The following PLEKHA4 variants were observed in gnomAD, a reference collection of about 807,000 sequenced individuals.
PLEKHA4 encodes pleckstrin homology domain containing A4.
Under a neutral mutation model 94.7 loss-of-function variants are expected in PLEKHA4, and 73 were observed. The ratio of observed to expected loss-of-function variants is 0.77; its 90% CI spans 0.64 to 0.94. PLEKHA4 has a LOEUF of 0.94. Among genes scored for constraint, PLEKHA4 ranks in the 40% least tolerant of loss-of-function variants. The pLI is 0.00. For synonymous variants in PLEKHA4, 449 were observed against 437.1 expected (o/e 1.03, Z -0.34); for missense variants, 1,049 against 1,054.1 (o/e 1.00, Z 0.07).
chr19:48,847,593 T>A (rs1231103769), intron 14 of PLEKHA4, among the ~76,000 whole-genome samples: 3 of 152,012 alleles, frequency 2.0e-5, no homozygotes, highest in Non-Finnish European at 4.4e-5. Flanking sequence ...TTAGCCAGGC[T>A]TGGTTGTGGG....
In PLEKHA4 at chr19:48,854,623, C is replaced by A. The variant is rs546377409; in HGVS notation, c.1048-359G>T. ...CCCAGGCTGATCTCAAACTCCTGGG[C>A]TCAAGCAATCCTCCTGCCTCGGCCT... On this transcript the variant is annotated intron_variant, in intron 9 of 19. Transcript: ENST00000263265. Among the ~76,000 whole-genome samples, 52 of 151,140 alleles carry A rather than the reference C, an allele frequency of 3.4e-4. No individual in the cohort carries two copies. The South Asian group carries it at 4.8e-3, about 14-fold the overall frequency.
Position 48,839,196 on chromosome 19 carries a change from G to T in PLEKHA4, c.1964+9C>A, listed in dbSNP as rs2122868389. 5.7e-6 allele frequency: 9 copies of T among 1,576,886 alleles called. No homozygotes were observed. In the South Asian group the frequency reaches 9.3e-5, roughly 16 times the overall value. On this transcript the variant is annotated intron_variant, in intron 18 of 19. Coordinates refer to ENST00000263265, the MANE Select transcript of PLEKHA4 (RefSeq NM_020904.3). Reference sequence around the variant, plus strand: ...TCCTGCTCCCTTGATACGCCCTCCAGTTCCTTACCTACTCCAGGACCCAGA... The same window carrying T: ...TCCTGCTCCCTTGATACGCCCTCCATTTCCTTACCTACTCCAGGACCCAGA...
rs754039806 is a variant in PLEKHA4, at chr19:48,854,047, C to A, written c.1136G>T (p.Arg379Leu). 2 of 1,614,024 alleles carry A rather than the reference C, an allele frequency of 1.2e-6. No individual in the cohort carries two copies. Among genetic ancestry groups the A allele is most frequent in the African/African-American group, 2.7e-5 (2 of 74,924 alleles). ...TKLCGQDRLL[R>L]RLQEEIDQKQ... The stretch of plus-strand genomic sequence containing the variant: ...CTGGTCTATCTCCTCCTGCAGCCTC[C>A]GCAGAAGCCGGTCCTGCCCGCACAA... The change falls in exon 11 of 20, where the codon CGG becomes CTG. Residue 379 changes from arginine to leucine, a missense_variant. Coordinates refer to ENST00000263265, the MANE Select transcript of PLEKHA4 (RefSeq NM_020904.3).
intron 6 of PLEKHA4, 78 bp downstream of exon 6, chr19:48,860,272 G>GC (rs2036583094): frequency 7.2e-6 from 9 of 1,243,400 alleles, no homozygotes; most frequent in South Asian, 2.5e-5. Context: ...AGGGGGCAGG[G>GC]CCCCAAAGGG....
At chr19:48,848,197 A>G (rs758415840) in intron 13 of PLEKHA4, among the ~76,000 whole-genome samples, 157 bp from the exon 14 acceptor site, 4 of 152,132 alleles carry the variant, frequency 2.6e-5, no homozygotes, top group Non-Finnish European at 5.9e-5. Context: ...ATTGAAAAAA[A>G]CTGTCTTGGC....
At chr19:48,863,457 T>G (rs1599932508) in intron 3 of PLEKHA4, among the ~76,000 whole-genome samples, 4 of 133,640 alleles carry the variant, frequency 3.0e-5, no homozygotes, top group African/African-American at 5.7e-5. Context: ...TGAGACGGAG[T>G]CTTCGCTCTG....
In PLEKHA4 at chr19:48,859,978, G is replaced by C. The variant is rs2036573310; in HGVS notation, c.477-294C>G. On this transcript the variant is annotated intron_variant, in intron 6 of 19. Transcript: ENST00000263265. ...TGGCGCAGGCCATGTCAGAGCCTAA[G>C]AGATAGTCTGACATTTTTTTAAAAT... is the stretch of plus-strand genomic sequence containing the variant. 57 of 567,984 alleles carry C rather than the reference G, an allele frequency of 1.0e-4. No homozygotes were observed. In the South Asian group the frequency reaches 1.2e-3, roughly 12 times the overall value. 35.2% of individuals were successfully genotyped at this position (567,984 alleles called of 1,614,324 possible).
At chr19:48,846,180 G>A (rs1347176233) in intron 14 of PLEKHA4, among the ~76,000 whole-genome samples, 3 of 151,842 alleles carry the variant, frequency 2.0e-5, no homozygotes, top group Non-Finnish European at 4.4e-5. Flanking sequence ...AAGGCTGGGC[G>A]CGGTGGCTCA....
intron 7 of PLEKHA4, 40 bp downstream of exon 7, chr19:48,859,429 T>C: frequency 6.2e-7 from 1 of 1,605,070 alleles, no homozygotes; most frequent in Non-Finnish European, 8.5e-7. Context: ...GCCCTGCCCT[T>C]CTCTTAGGCC....
Position 48,845,565 on chromosome 19 carries a change from A to C in PLEKHA4, c.1618T>G (p.Trp540Gly), listed in dbSNP as rs747542732. 6.2e-7 allele frequency: 1 copy of C among 1,609,818 alleles called. No individual in the cohort carries two copies. Among genetic ancestry groups the C allele is most frequent in the Admixed American group, 1.7e-5 (1 of 59,586 alleles). Residue 540 changes from tryptophan to glycine, a missense_variant, in exon 15 of 20, where the codon TGG becomes GGG. Transcript: ENST00000263265. ...LSSPRSPETD[W>G]GRPPGGDKDL... ...TTGTCGCCTCCAGGAGGCCGCCCCC[A>C]GTCAGTCTCGGGGGACCTAGGGGAG... is the stretch of plus-strand genomic sequence containing the variant.
Position 48,859,124 on chromosome 19 carries a change from GA to G in PLEKHA4, c.707del (p.Leu236ProfsTer8). On this transcript the variant is annotated frameshift_variant, in exon 8 of 20. Coordinates refer to ENST00000263265, the MANE Select transcript of PLEKHA4 (RefSeq NM_020904.3). LOFTEE classifies it high-confidence loss of function. ...RARSPDLFTP[L>X]SRPPSPLSLP... ...GGCTCAGAGGCGAGGGAGGGCGAGAGAGGGGGGTGAACAGGCTGTGGGAAGG... is the reference window on the plus strand; with the variant it reads ...GGCTCAGAGGCGAGGGAGGGCGAGAGGGGGGGTGAACAGGCTGTGGGAAGG... 1 of 1,515,386 alleles carries G rather than the reference GA, an allele frequency of 6.6e-7. No individual in the cohort carries two copies. The highest frequency in any genetic ancestry group is 8.8e-7 in the Non-Finnish European group (1 of 1,137,874). 93.9% of individuals were successfully genotyped at this position (1,515,386 alleles called of 1,614,324 possible).
intron 14 of PLEKHA4, 97 bp downstream of exon 14, chr19:48,847,803 G>C: frequency 4.3e-6 from 6 of 1,394,180 alleles, no homozygotes; most frequent in Non-Finnish European, 5.7e-6. Flanking sequence ...TGGGTTAGCT[G>C]ATCAAGGAAG....
At chr19:48,841,617 C>A (rs1372511683) in intron 16 of PLEKHA4, among the ~76,000 whole-genome samples, 1 of 150,192 alleles carries the variant, frequency 6.7e-6, no homozygotes, top group Non-Finnish European at 1.5e-5. Flanking sequence ...CAGAGCAAGA[C>A]TCTGTCTCAA....
At chr19:48,857,393 GT>G in intron 9 of PLEKHA4, 28 bp downstream of exon 9, 1 of 1,123,880 alleles carries the variant, frequency 8.9e-7, no homozygotes, top group Non-Finnish European at 1.3e-6. Flanking sequence ...GGGGGCTCCG[GT>G]AGATTTAGGG....
At position 48,853,042 on chromosome 19, in the gene PLEKHA4, T is replaced by A. The variant is rs760652305; in HGVS notation, c.1326+640A>T. Among the ~76,000 whole-genome samples, 3 of 152,212 alleles carry A rather than the reference T, an allele frequency of 2.0e-5. No individual in the cohort carries two copies. The South Asian group carries it at 6.2e-4, about 31-fold the overall frequency. ...TAACACTTATTGGGCACTGATCATG[T>A]GCTAGGCATTGTTCTCAACTCTCAT... On this transcript the variant is annotated intron_variant, in intron 12 of 19. Coordinates refer to ENST00000263265, the MANE Select transcript of PLEKHA4 (RefSeq NM_020904.3).
In PLEKHA4 at chr19:48,859,041, G is replaced by A; in HGVS notation, c.791C>T (p.Ala264Val). ...RRPPAPSGDT[A>V]PPARPHTPLS... ...CGGGGTGTGAGGTCGGGCAGGGGGTGCTGTGTCTCCTGAGGGGGCAGGGGG... is the reference window on the plus strand; with the variant it reads ...CGGGGTGTGAGGTCGGGCAGGGGGTACTGTGTCTCCTGAGGGGGCAGGGGG... The change falls in exon 8 of 20, where the codon GCA (alanine) becomes GTA (valine). Residue 264 changes from alanine (A) to valine (V), a missense_variant. Transcript: ENST00000263265. The A allele has an allele frequency of 6.5e-7, 1 of 1,541,594 alleles. No homozygotes were observed. Among genetic ancestry groups the A allele is most frequent in the Non-Finnish European group, 8.7e-7 (1 of 1,148,092 alleles).
At chr19:48,839,055 T>G (rs868762918) in intron 18 of PLEKHA4, 150 bp downstream of exon 18, 5 of 459,020 alleles carry the variant, frequency 1.1e-5, no homozygotes, top group Middle Eastern at 3.0e-4. Flanking sequence ...GCTTTCTGGT[T>G]TTGTTGCAGA....
intron 8 of PLEKHA4, among the ~76,000 whole-genome samples, 183 bp from the exon 9 acceptor site, chr19:48,857,679 T>A (rs1187747081): frequency 1.3e-5 from 2 of 151,470 alleles, no homozygotes; most frequent in African/African-American, 4.9e-5. Context: ...TTAAGGGCAG[T>A]GCAAGATGTG....
At chr19:48,848,665 T>G (rs1435154782) in intron 13 of PLEKHA4, among the ~76,000 whole-genome samples, 1 of 149,216 alleles carries the variant, frequency 6.7e-6, no homozygotes, top group African/African-American at 2.5e-5. Context: ...GGGGTGGTGG[T>G]GCATGCCTGT....
Sources: allele counts gnomAD v4.1 joint callset (sites outside exome capture counted in the v4.1 genomes callset), GRCh38; gene constraint gnomAD v4.1.1; transcripts MANE v1.5; gene names NCBI Gene and HGNC (gene_info 2026-07-23, HGNC 2026-07-21).